Variants in CYSLTR2 observed in about 807,000 individuals in gnomAD.
The protein encoded by CYSLTR2 is G-protein coupled receptor GPCR21.
For synonymous variants in CYSLTR2, 179 were observed against 160.8 expected (o/e 1.11, Z -0.86); for missense variants, 398 against 411.9 (o/e 0.97, Z 0.29).
chr13:48,707,980 C>G lies in CYSLTR2; in HGVS notation c.*122C>G, dbSNP rs1954550959. The G allele has an allele frequency of 1.1e-6, 1 of 871,074 alleles. No individual in the cohort carries two copies. The highest frequency in any genetic ancestry group is 1.6e-6 in the Non-Finnish European group (1 of 611,392). The allele number at this position is 871,074 out of a possible 1,614,324, so 54.0% of individuals were successfully genotyped here. ...TGTTGATTCTTAATATTTAGTTGAC[C>G]ATTACTTTTGTTAATAAGACCTACT... On this transcript the variant is annotated 3_prime_UTR_variant, in exon 5 of 5. Coordinates refer to ENST00000682523, the MANE Select transcript of CYSLTR2 (RefSeq NM_001308476.3).
intron 4 of CYSLTR2, among the ~76,000 whole-genome samples, chr13:48,699,968 GA>G: frequency 6.6e-6 from 1 of 152,200 alleles, no homozygotes; most frequent in South Asian, 2.1e-4. Flanking sequence ...GACTAAATCA[GA>G]AAGAAGTTGA....
chr13:48,697,642 G>A (rs1566102679), intron 4 of CYSLTR2, among the ~76,000 whole-genome samples: 1 of 152,226 alleles, frequency 6.6e-6, no homozygotes, highest in Non-Finnish European at 1.5e-5. Context: ...GCCAGCAACG[G>A]AACAAAGCTG....
intron 3 of CYSLTR2, among the ~76,000 whole-genome samples, chr13:48,694,480 A>G (rs146771496): frequency 2.6e-5 from 4 of 152,380 alleles, no homozygotes; most frequent in African/African-American, 9.6e-5. Flanking sequence ...TTTACAGACT[A>G]GAAAGACTCC....
At chr13:48,664,757 T>C (rs1953217935) in intron 1 of CYSLTR2, among the ~76,000 whole-genome samples, 1 of 152,016 alleles carries the variant, frequency 6.6e-6, no homozygotes, top group Admixed American at 6.5e-5. Context: ...GTCCATTTTG[T>C]TTACCTTTTC....
chr13:48,678,810 C>T (rs1390084328), intron 1 of CYSLTR2, among the ~76,000 whole-genome samples: 1 of 152,034 alleles, frequency 6.6e-6, no homozygotes, highest in East Asian at 1.9e-4. Flanking sequence ...ATATTTAGTC[C>T]ATCCACAGTC....
At chr13:48,696,867 ACGCCCGG>A (rs1272644760) in intron 4 of CYSLTR2, among the ~76,000 whole-genome samples, 4 of 151,356 alleles carry the variant, frequency 2.6e-5, no homozygotes, top group Non-Finnish European at 5.9e-5. Flanking sequence ...GGAGGGTCCC[ACGCCCGG>A]CTCGGAGGGT....
intron 1 of CYSLTR2, among the ~76,000 whole-genome samples, chr13:48,667,226 A>G (rs1953286349): frequency 6.6e-6 from 1 of 152,138 alleles, no homozygotes; most frequent in African/African-American, 2.4e-5. Flanking sequence ...ATTTGTAGTG[A>G]TAGCCAGATG....
At chr13:48,678,868 G>A (rs1953671872) in intron 1 of CYSLTR2, among the ~76,000 whole-genome samples, 1 of 152,028 alleles carries the variant, frequency 6.6e-6, no homozygotes, top group African/African-American at 2.4e-5. Context: ...CCAGGTCTGT[G>A]CAGCCTCTCT....
At chr13:48,697,067 G>A (rs1483126619) in intron 4 of CYSLTR2, among the ~76,000 whole-genome samples, 1 of 152,206 alleles carries the variant, frequency 6.6e-6, no homozygotes, top group East Asian at 1.9e-4. Context: ...TGCCTTTGTA[G>A]ACTCCACCTC....
At chr13:48,657,011 T>C (rs1953014281) in intron 1 of CYSLTR2, among the ~76,000 whole-genome samples, 1 of 152,246 alleles carries the variant, frequency 6.6e-6, no homozygotes, top group African/African-American at 2.4e-5. Flanking sequence ...TTATGTACAG[T>C]ATGTTCTATT....
intron 1 of CYSLTR2, among the ~76,000 whole-genome samples, chr13:48,659,656 T>C (rs1046687262): frequency 1.3e-5 from 2 of 152,196 alleles, no homozygotes; most frequent in Non-Finnish European, 2.9e-5. Flanking sequence ...ACCCTAATGT[T>C]GATCAATCCG....
chr13:48,692,968 G>T (rs1954075495), intron 2 of CYSLTR2, among the ~76,000 whole-genome samples: 1 of 151,694 alleles, frequency 6.6e-6, no homozygotes, highest in Non-Finnish European at 1.5e-5. Context: ...ATTAACCATT[G>T]TCTAAGTCCT....
intron 1 of CYSLTR2, among the ~76,000 whole-genome samples, chr13:48,662,347 G>T (rs1375723334): frequency 1.3e-5 from 2 of 152,134 alleles, no homozygotes; most frequent in Non-Finnish European, 2.9e-5. Context: ...AGGCAAACTG[G>T]TTTCAAAGCT....
At chr13:48,682,753 G>A (rs1953790190) in intron 1 of CYSLTR2, among the ~76,000 whole-genome samples, 1 of 152,056 alleles carries the variant, frequency 6.6e-6, no homozygotes, top group South Asian at 2.1e-4. Flanking sequence ...TAGATTCAGG[G>A]GTACATGTGC....
intron 2 of CYSLTR2, among the ~76,000 whole-genome samples, chr13:48,691,705 T>C (rs1954043836): frequency 6.6e-6 from 1 of 152,100 alleles, no homozygotes; most frequent in Non-Finnish European, 1.5e-5. Context: ...GGGTTGCTAA[T>C]CGAGAATCTT....
rs1381445251 is a variant in CYSLTR2, at chr13:48,710,049, A to G, written c.*2191A>G. 6.6e-6 allele frequency: 1 copy of G among 152,242 alleles called. No individual in the cohort carries two copies. The allele number at this position is 152,242 out of a possible 1,614,324, so 9.4% of individuals were successfully genotyped here. The stretch of plus-strand genomic sequence containing the variant: ...ATACAGTTTTTAAGTGCTAGAGGAA[A>G]AGAAACTTTTGTATTAGAGAGGAAA... On this transcript the variant is annotated 3_prime_UTR_variant, in exon 5 of 5. Coordinates refer to ENST00000682523, the MANE Select transcript of CYSLTR2 (RefSeq NM_001308476.3).
At chr13:48,671,884 T>G (rs1172056674) in intron 1 of CYSLTR2, among the ~76,000 whole-genome samples, 9 of 152,180 alleles carry the variant, frequency 5.9e-5, no homozygotes, top group African/African-American at 1.7e-4. Flanking sequence ...CTGGTAGAAT[T>G]TGGCTTAGAA....
chr13:48,697,160 A>G (rs1954213280), intron 4 of CYSLTR2, among the ~76,000 whole-genome samples: 1 of 152,202 alleles, frequency 6.6e-6, no homozygotes, highest in Non-Finnish European at 1.5e-5. Context: ...TGAAGAGAGT[A>G]GTACTTCTCC....
At chr13:48,654,493 C>T (rs1247509958) in intron 1 of CYSLTR2, among the ~76,000 whole-genome samples, 7 of 152,060 alleles carry the variant, frequency 4.6e-5, no homozygotes, top group Non-Finnish European at 1.0e-4. Context: ...ACTATACTTC[C>T]TCCATTTTTG....
Sources: gnomAD v4.1 joint callset for allele counts (sites outside exome capture counted in the v4.1 genomes callset) on GRCh38, gnomAD v4.1.1 for gene constraint, MANE v1.5 for transcripts, NCBI Gene and HGNC (gene_info 2026-07-23, HGNC 2026-07-21) for gene names.